Variants in PCDHA2 observed in about 807,000 individuals in gnomAD.
PCDHA2 encodes the protein protocadherin alpha 2, also known as protocadherin alpha-2.
In PCDHA2, 58 loss-of-function variants were observed where a neutral mutation model predicts 66.0. That is an observed-to-expected ratio of 0.88 (90% confidence interval 0.71 to 1.09). The LOEUF (loss-of-function observed/expected upper bound fraction) is 1.09, where lower values mean the gene tolerates loss of function less well. Ranked by LOEUF, PCDHA2 falls within the 50% of genes least tolerant of loss-of-function variation. PCDHA2 has a pLI of 0.00. For synonymous variants in PCDHA2, 634 were observed against 554.0 expected, an observed-to-expected ratio of 1.14 and a Z score of -2.03; for missense variants, 1,267 against 1,242.3, an observed-to-expected ratio of 1.02 and a Z score of -0.30.
intron 1 of PCDHA2, chr5:140,807,902 GC>G (rs868922197): frequency 1.9e-6 from 3 of 1,614,116 alleles, no homozygotes; most frequent in Non-Finnish European, 2.5e-6. Context: ...CAATGACAAT[GC>G]CCCAGCTTTT....
intron 1 of PCDHA2, chr5:140,825,571 T>A (rs1196041650): frequency 6.6e-6 from 1 of 151,826 alleles, no homozygotes; most frequent in Non-Finnish European, 1.5e-5. Flanking sequence ...ATTACAGGCA[T>A]GTGCCCACAC....
chr5:140,978,427 GTTGCT>G (rs2096802128), intron 1 of PCDHA2, among the ~76,000 whole-genome samples: 1 of 152,196 alleles, frequency 6.6e-6, no homozygotes, highest in Non-Finnish European at 1.5e-5. Context: ...ACTGTTATCA[GTTGCT>G]GGTGTTATGA....
At position 140,796,965 on chromosome 5, in the gene PCDHA2, G is replaced by A. The variant is rs782359192; in HGVS notation, c.2001G>A (p.Val667=). The part of the protein sequence containing the change: ...PALTATATVL[V]SLVESGQAPK... ...TGACAGCCACGGCCACCGTGTTAGT[G>A]TCGTTGGTGGAAAGTGGCCAGGCAC... Residue 667 remains valine (V), a synonymous_variant, in exon 1 of 4, where the codon GTG becomes GTA. Coordinates refer to ENST00000526136, the MANE Select transcript of PCDHA2 (RefSeq NM_018905.3). 6.2e-7 allele frequency: 1 copy of A among 1,613,860 alleles called. No individual in the cohort carries two copies. The highest frequency in any genetic ancestry group is 8.5e-7 in the Non-Finnish European group (1 of 1,179,978).
intron 1 of PCDHA2, chr5:140,858,254 A>G (rs1325415176): frequency 6.3e-7 from 1 of 1,596,926 alleles, no homozygotes; most frequent in Non-Finnish European, 8.6e-7. Flanking sequence ...GGTGAAGCCC[A>G]CGCTGGTGTG....
At chr5:140,993,225 T>C (rs1036685362) in intron 3 of PCDHA2, among the ~76,000 whole-genome samples, 2 of 152,206 alleles carry the variant, frequency 1.3e-5, no homozygotes, top group Admixed American at 6.5e-5. Context: ...TTTTGGTATG[T>C]TCTCTCTGAA....
intron 1 of PCDHA2, among the ~76,000 whole-genome samples, chr5:140,890,919 G>A (rs181566078): frequency 3.0e-4 from 46 of 152,178 alleles, no homozygotes; most frequent in Admixed American, 9.2e-4. Flanking sequence ...TAATTTGAGA[G>A]TTTCCTTTAG....
At chr5:140,823,280 C>G in intron 1 of PCDHA2, 1 of 1,612,450 alleles carries the variant, frequency 6.2e-7, no homozygotes, top group Non-Finnish European at 8.5e-7. Flanking sequence ...GGCGAGCGCC[C>G]GCTGTCGAGT....
rs565071573 is a variant in PCDHA2, at chr5:141,009,664, G to A, written c.2574G>A (p.Ala858=). The A allele has an allele frequency of 2.2e-5, 36 of 1,613,862 alleles. No individual in the cohort carries two copies. The highest frequency in any genetic ancestry group is 5.0e-5 in the Admixed American group (3 of 59,974). The stretch of plus-strand genomic sequence containing the variant: ...GAGAAGTGTCCCCTCCAGTCGGTGC[G>A]GGTGTCAACAGCAACAGCTGGACCT... The part of the protein sequence containing the change: ...EAGEVSPPVG[A]GVNSNSWTFK... Residue 858 remains alanine (A), a synonymous_variant, in exon 4 of 4, where the codon GCG becomes GCA. Transcript: ENST00000526136.
chr5:140,946,611 A>AATATATATATATATATATAT lies in PCDHA2; in HGVS notation c.2389-32336_2389-32317dup, dbSNP rs1554217734. On this transcript the variant is annotated intron_variant, in intron 1 of 3. Transcript: ENST00000526136. ...GGATGAATAGATAAAGAAAATGTGA[A>AATATATATATATATATATAT]ATATATATATATATATATATACAAT... Among the ~76,000 whole-genome samples the AATATATATATATATATATAT allele has an allele frequency of 2.4e-3, 212 of 86,734 alleles. 8 individuals carry two copies. Among genetic ancestry groups the AATATATATATATATATATAT allele is most frequent in the Middle Eastern group, 0.011 (2 of 186 alleles). The allele number at this position is 86,734 out of a possible 152,430, so 56.9% of individuals were successfully genotyped here.
chr5:140,835,412 A>C lies in PCDHA2; in HGVS notation c.2388+38060A>C, dbSNP rs2150235201. The C allele has an allele frequency of 4.3e-6, 7 of 1,613,988 alleles. No homozygotes were observed. The East Asian group carries it at 1.6e-4, about 36-fold the overall frequency. On this transcript the variant is annotated intron_variant, in intron 1 of 3. Coordinates refer to ENST00000526136, the MANE Select transcript of PCDHA2 (RefSeq NM_018905.3). ...CAGTTCTTGTGGAAGTTGTGGATGT[A>C]AATGACAATGCTCCACAGTTGACTC...
intron 1 of PCDHA2, chr5:140,806,986 A>G: frequency 1.5e-6 from 1 of 654,800 alleles, no homozygotes; most frequent in Non-Finnish European, 2.6e-6. Context: ...GTTTGGAGCC[A>G]CATGATGTCG....
chr5:140,870,675 C>G, intron 1 of PCDHA2: 1 of 1,612,672 alleles, frequency 6.2e-7, no homozygotes, highest in Non-Finnish European at 8.5e-7. Context: ...CGTTGGACCA[C>G]GAGGAGCTGG....
chr5:140,944,689 A>T (rs1360975363), intron 1 of PCDHA2, among the ~76,000 whole-genome samples: 1 of 152,226 alleles, frequency 6.6e-6, no homozygotes, highest in Non-Finnish European at 1.5e-5. Context: ...TCCTATTAAT[A>T]ACAGTAATTA....
intron 1 of PCDHA2, among the ~76,000 whole-genome samples, chr5:140,906,486 A>G (rs2072686991): frequency 6.6e-6 from 1 of 152,270 alleles, no homozygotes; most frequent in South Asian, 2.1e-4. Context: ...GTATAAATGC[A>G]CAAACATGTT....
intron 1 of PCDHA2, among the ~76,000 whole-genome samples, chr5:140,935,894 C>CTT (rs55841305): frequency 0.3 from 41,439 of 136,538 alleles, 6,640 homozygotes; most frequent in East Asian, 0.49. Context: ...TCAATATTAT[C>CTT]TTTTTTTTTT....
rs1554151505 is a variant in PCDHA2 at position 140,858,367 on chromosome 5, C to T, written c.2388+61015C>T. 1.8e-5 allele frequency: 28 copies of T among 1,590,300 alleles called. 2 individuals carry two copies. Among genetic ancestry groups the T allele is most frequent in the Non-Finnish European group, 2.3e-5 (27 of 1,162,754 alleles). On this transcript the variant is annotated intron_variant, in intron 1 of 3. Transcript: ENST00000526136. ...CGGACCTCATGGCCTTCAGCCCCAG[C>T]CTTCCACCATGCCCAATGGTAGATG...
At position 140,853,718 on chromosome 5, in the gene PCDHA2, C is replaced by T. The variant is rs1472931739; in HGVS notation, c.2388+56366C>T. ...TGCTAACGCATTAGCATTAGCAGCA[C>T]CTAAGTCCTCATTGAATGTTCTGGT... is the stretch of plus-strand genomic sequence containing the variant. On this transcript the variant is annotated intron_variant, in intron 1 of 3. Transcript: ENST00000526136. 3 of 988,280 alleles carry T rather than the reference C, an allele frequency of 3.0e-6. No homozygotes were observed. The African/African-American group carries it at 5.3e-5, about 17-fold the overall frequency. 61.2% of individuals were successfully genotyped at this position (988,280 alleles called of 1,614,324 possible).
chr5:140,808,835 A>G (rs1554124834), intron 1 of PCDHA2: 1 of 1,612,992 alleles, frequency 6.2e-7, no homozygotes. Flanking sequence ...CAGCAACGTG[A>G]CGCTGCAGGT....
intron 1 of PCDHA2, chr5:140,828,102 C>A: frequency 1.9e-6 from 3 of 1,608,522 alleles, no homozygotes; most frequent in Non-Finnish European, 2.5e-6. Context: ...ATGGTGTTTA[C>A]CCCGGAGGAT....
Sources: allele counts gnomAD v4.1 joint callset (sites outside exome capture counted in the v4.1 genomes callset), GRCh38; gene constraint gnomAD v4.1.1; transcripts MANE v1.5; gene names NCBI Gene and HGNC (gene_info 2026-07-23, HGNC 2026-07-21).